The following OR51B5 variants were observed in gnomAD, a reference collection of about 807,000 sequenced individuals.
OR51B5 encodes the protein olfactory receptor family 51 subfamily B member 5.
For synonymous variants in OR51B5, 186 were observed against 144.8 expected, an observed-to-expected ratio of 1.28 and a Z score of -2.04; for missense variants, 456 against 374.6, an observed-to-expected ratio of 1.22 and a Z score of -1.79.
At chr11:5,458,762 G>A (rs1201536422) in intron 1 of OR51B5, among the ~76,000 whole-genome samples, 4 of 152,056 alleles carry the variant, frequency 2.6e-5, no homozygotes, top group African/African-American at 9.7e-5. Context: ...CAACTTGGAT[G>A]TTATTGATAT....
intron 1 of OR51B5, among the ~76,000 whole-genome samples, chr11:5,418,958 C>T (rs978252756): frequency 6.7e-6 from 1 of 149,864 alleles, no homozygotes; most frequent in African/African-American, 2.4e-5. Flanking sequence ...TTCTTGATAT[C>T]GGTAATAGGG....
intron 1 of OR51B5, among the ~76,000 whole-genome samples, chr11:5,415,606 C>T (rs896490838): frequency 2.0e-5 from 3 of 152,246 alleles, no homozygotes; most frequent in African/African-American, 7.2e-5. Flanking sequence ...CACCACCGAT[C>T]CCACAGAAAT....
intron 1 of OR51B5, among the ~76,000 whole-genome samples, chr11:5,467,750 A>T (rs898346167): frequency 6.6e-6 from 1 of 152,214 alleles, no homozygotes; most frequent in Non-Finnish European, 1.5e-5. Flanking sequence ...ACACGAGCCC[A>T]TATTTCAGCC....
intron 1 of OR51B5, among the ~76,000 whole-genome samples, chr11:5,394,048 A>G (rs983810201): frequency 2.0e-5 from 3 of 152,182 alleles, no homozygotes; most frequent in African/African-American, 7.2e-5. Context: ...GAAAACAGTA[A>G]CATAAAATTA....
At chr11:5,397,765 G>A (rs375734542) in intron 1 of OR51B5, among the ~76,000 whole-genome samples, 25 of 149,354 alleles carry the variant, frequency 1.7e-4, no homozygotes, top group Admixed American at 4.0e-4. Flanking sequence ...TGTTTATTGC[G>A]GCACTATTCA....
rs183885121 is a variant in OR51B5, at chr11:5,499,152, C to G, written n.84+6417G>C. Among the ~76,000 whole-genome samples, 20 of 152,282 alleles carry G rather than the reference C, an allele frequency of 1.3e-4. No individual in the cohort carries two copies. In the East Asian group the frequency reaches 3.3e-3, roughly 25 times the overall value. On this transcript the variant is annotated intron_variant and non_coding_transcript_variant, in intron 1 of 4. Transcript: ENST00000415970. Reference sequence around the variant, plus strand: ...AAGTTCAACTGCTTGACCTTCTGACCTAGGTTTTCTTAAATGATGTCTATG... The same window carrying G: ...AAGTTCAACTGCTTGACCTTCTGACGTAGGTTTTCTTAAATGATGTCTATG...
At chr11:5,478,123 T>G (rs1250720443) in intron 1 of OR51B5, among the ~76,000 whole-genome samples, 3 of 151,494 alleles carry the variant, frequency 2.0e-5, no homozygotes, top group Non-Finnish European at 4.4e-5. Context: ...CTGACAGCTT[T>G]GAAGAGAGCA....
chr11:5,485,456 G>A (rs975056102), intron 1 of OR51B5, among the ~76,000 whole-genome samples: 2 of 152,170 alleles, frequency 1.3e-5, no homozygotes, highest in African/African-American at 4.8e-5. Flanking sequence ...GATGGACTCT[G>A]CTTGGGCTGA....
intron 1 of OR51B5, among the ~76,000 whole-genome samples, chr11:5,381,287 A>C (rs890709704): frequency 6.6e-6 from 1 of 152,210 alleles, no homozygotes. Context: ...ATTCTTTAAT[A>C]ATGAATTCTA....
downstream of OR51B5, chr11:5,340,808 C>T (rs1394374014): frequency 6.6e-6 from 1 of 152,032 alleles, no homozygotes; most frequent in Non-Finnish European, 1.5e-5. Flanking sequence ...TATTAAATTT[C>T]CCCATCAAGA....
chr11:5,426,628 G>A (rs2736582), intron 1 of OR51B5, among the ~76,000 whole-genome samples: 20,876 of 151,688 alleles, frequency 0.14, 1,589 homozygotes, highest in East Asian at 0.24. Context: ...CCTAATACAT[G>A]TGTTAGGGCA....
At chr11:5,361,892 A>T (rs1288426517) in intron 1 of OR51B5, among the ~76,000 whole-genome samples, 8 of 152,062 alleles carry the variant, frequency 5.3e-5, no homozygotes, top group African/African-American at 1.7e-4. Context: ...CTTTGCCTCT[A>T]TGTGTTCTAC....
At chr11:5,342,316 C>T (rs953545574), downstream of OR51B5, among the ~76,000 whole-genome samples, 2 of 152,116 alleles carry the variant, frequency 1.3e-5, no homozygotes, top group African/African-American at 4.8e-5. Flanking sequence ...TATAGACATA[C>T]CAATAGATGC....
In OR51B5 at chr11:5,479,165, G is replaced by C. The variant is rs1008188810; in HGVS notation, n.84+26404C>G. Among the ~76,000 whole-genome samples, 8 of 147,526 alleles carry C rather than the reference G, an allele frequency of 5.4e-5. No homozygotes were observed. In the South Asian group the frequency reaches 8.8e-4, roughly 16 times the overall value. On this transcript the variant is annotated intron_variant and non_coding_transcript_variant, in intron 1 of 4. Transcript: ENST00000415970. ...CCATCAGACTAACAGCGGATCTCTC[G>C]GCAGAAACCCTACAAGCCAGAAGAG...
At chr11:5,347,493 A>G (rs1849011615), upstream of OR51B5, among the ~76,000 whole-genome samples, 1 of 152,210 alleles carries the variant, frequency 6.6e-6, no homozygotes, top group African/African-American at 2.4e-5. Context: ...CATACTCATC[A>G]CATGGTGCTT....
chr11:5,389,885 C>T (rs775812594), intron 1 of OR51B5: 18 of 1,612,772 alleles, frequency 1.1e-5, no homozygotes, highest in East Asian at 1.1e-4. Context: ...TGTCATCTTC[C>T]GGGGACCTGT....
chr11:5,362,864 C>CCAGTG (rs1849306187), intron 1 of OR51B5: 2 of 183,740 alleles, frequency 1.1e-5, no homozygotes, highest in Admixed American at 1.2e-4. Context: ...CCAAGAGTAA[C>CCAGTG]AACCAGGTGG....
intron 1 of OR51B5, among the ~76,000 whole-genome samples, chr11:5,433,034 G>T (rs898382606): frequency 2.0e-5 from 3 of 152,116 alleles, no homozygotes; most frequent in South Asian, 4.1e-4. Flanking sequence ...AGCTGAAAAA[G>T]GGAGAAATAG....
In OR51B5 at chr11:5,343,421, GATAT is replaced by G. The variant is rs1321911720; in HGVS notation, c.100_103del (p.Ile34ProfsTer39). 9.3e-6 allele frequency: 15 copies of G among 1,612,842 alleles called. No individual in the cohort carries two copies. The highest frequency in any genetic ancestry group is 1.2e-5 in the Non-Finnish European group (14 of 1,179,156). On this transcript the variant is annotated frameshift_variant, in exon 1 of 1. Transcript: ENST00000300773. LOFTEE classifies it low-confidence loss of function (END_TRUNC). ...GAGGGTGCCATTGCCAAAAAGGATG[GATAT>G]ATACATGAACAAGAAAAATACGGAA...
Sources: allele counts gnomAD v4.1 joint callset (sites outside exome capture counted in the v4.1 genomes callset), GRCh38; gene constraint gnomAD v4.1.1; transcripts MANE v1.5; gene names NCBI Gene and HGNC (gene_info 2026-07-23, HGNC 2026-07-21).